The following SPDYE4 variants were observed in gnomAD, a reference collection of about 807,000 sequenced individuals.
SPDYE4 encodes speedy protein E4.
A neutral mutation model predicts 37.5 loss-of-function variants in SPDYE4; 30 were observed. The ratio of observed to expected loss-of-function variants is 0.80; its 90% CI spans 0.60 to 1.09. The LOEUF (loss-of-function observed/expected upper bound fraction) is 1.09, where lower values mean the gene tolerates loss of function less well. SPDYE4 is among the 50% of genes least tolerant of loss of function. SPDYE4 has a pLI of 0.00. For synonymous variants in SPDYE4, 131 were observed against 120.3 expected (o/e 1.09, Z -0.58); for missense variants, 300 against 307.9 (o/e 0.97, Z 0.19).
In SPDYE4 at chr17:8,758,314, G is replaced by T; in HGVS notation, c.69C>A (p.Ser23=). The change falls in exon 1 of 7, where the codon TCC becomes TCA. Residue 23 remains serine, a synonymous_variant. Transcript: ENST00000689094. ...CTTCATCATCCACCACCACCTCGGG[G>T]GACCGTACCGTTGTGCTAGGCTGGG... ...ESPQPSTTVR[S]PEVVVDDEVP... 1.3e-6 allele frequency: 2 copies of T among 1,550,440 alleles called. No individual in the cohort carries two copies. The highest frequency in any genetic ancestry group is 1.7e-6 in the Non-Finnish European group (2 of 1,146,526).
chr17:8,757,212 A>C (rs1388178840), intron 2 of SPDYE4, 50 bp downstream of exon 2: 1 of 1,519,208 alleles, frequency 6.6e-7, no homozygotes, highest in Non-Finnish European at 8.9e-7. Context: ...GAAAGATTCC[A>C]CTTTTTTAAA....
In SPDYE4 at chr17:8,751,428, A is replaced by G. The variant is rs2151144024; in HGVS notation, c.*854T>C. On this transcript the variant is annotated 3_prime_UTR_variant, in exon 7 of 7. Coordinates refer to ENST00000689094, the MANE Select transcript of SPDYE4 (RefSeq NM_001394956.1). ...AGTATATATGGAAGGCATGTTAAAA[A>G]TCACAACTGAATTCTCACAATTCAG... Among the ~76,000 whole-genome samples, 1 of 152,364 alleles carries G rather than the reference A, an allele frequency of 6.6e-6. No homozygotes were observed. Among genetic ancestry groups the G allele is most frequent in the African/African-American group, 2.4e-5 (1 of 41,590 alleles).
At position 8,751,967 on chromosome 17, in the gene SPDYE4, G is replaced by C. The variant is rs1225363886; in HGVS notation, c.*315C>G. On this transcript the variant is annotated 3_prime_UTR_variant, in exon 7 of 7. Coordinates refer to ENST00000689094, the MANE Select transcript of SPDYE4 (RefSeq NM_001394956.1). ...CCAGCTTCCAGCCCAGGGGAGGCTGGGATTCAGCAACGTGAAAAGGGAGGT... is the reference window on the plus strand; with the variant it reads ...CCAGCTTCCAGCCCAGGGGAGGCTGCGATTCAGCAACGTGAAAAGGGAGGT... 2.0e-5 allele frequency among the ~76,000 whole-genome samples: 3 copies of C among 152,162 alleles called. No homozygotes were observed. The highest frequency in any genetic ancestry group is 7.2e-5 in the African/African-American group (3 of 41,430).
At chr17:8,756,120 G>A (rs892791949) in intron 3 of SPDYE4, among the ~76,000 whole-genome samples, 1 of 152,170 alleles carries the variant, frequency 6.6e-6, no homozygotes, top group East Asian at 1.9e-4. Context: ...TGGAGAGGCC[G>A]AGGCGGGAGG....
downstream of SPDYE4, among the ~76,000 whole-genome samples, chr17:8,749,785 A>G (rs1054689778): frequency 6.6e-6 from 1 of 152,186 alleles, no homozygotes; most frequent in Non-Finnish European, 1.5e-5. Flanking sequence ...ACCCCTGGAC[A>G]TTGCACAAAC....
rs752088667 is a variant in SPDYE4 at position 8,753,484 on chromosome 17, A to T, written c.491T>A (p.Leu164Gln). 6 of 1,613,718 alleles carry T rather than the reference A, an allele frequency of 3.7e-6. No individual in the cohort carries two copies. In the Admixed American group the frequency reaches 1.0e-4, roughly 27 times the overall value. ...GTTGTCCTCCTCCATGTCACTGGCC[A>T]GGTAGCTGGGGAGAGAGATCAGGTT... is the stretch of plus-strand genomic sequence containing the variant. ...QRIHFFLALY[L>Q]ASDMEEDNQA... is the part of the protein sequence containing the mutation. Residue 164 changes from leucine (L) to glutamine (Q), a missense_variant, in exon 5 of 7, where the codon CTG becomes CAG. Leu to Gln is a moderately radical substitution (Grantham distance 113). Coordinates refer to ENST00000689094, the MANE Select transcript of SPDYE4 (RefSeq NM_001394956.1).
downstream of SPDYE4, among the ~76,000 whole-genome samples, chr17:8,747,892 G>A (rs2086701275): frequency 6.6e-6 from 1 of 152,200 alleles, no homozygotes; most frequent in African/African-American, 2.4e-5. Context: ...GGTTTAATTG[G>A]ACTTACAGTT....
At chr17:8,749,159 T>C (rs549301398), downstream of SPDYE4, among the ~76,000 whole-genome samples, 1 of 151,766 alleles carries the variant, frequency 6.6e-6, no homozygotes, top group East Asian at 1.9e-4. Context: ...AGTGGTATGA[T>C]CACGGCTCAT....
downstream of SPDYE4, among the ~76,000 whole-genome samples, chr17:8,747,712 C>A (rs1215545567): frequency 1.3e-5 from 2 of 152,168 alleles, no homozygotes; most frequent in African/African-American, 4.8e-5. Context: ...CTTTACAAGT[C>A]TAATTTACAA....
At chr17:8,754,997 T>C (rs2151145343) in intron 4 of SPDYE4, among the ~76,000 whole-genome samples, 1 of 151,962 alleles carries the variant, frequency 6.6e-6, no homozygotes, top group South Asian at 2.1e-4. Context: ...GCTAAGGAGG[T>C]TGTTCAGGTG....
intron 2 of SPDYE4, among the ~76,000 whole-genome samples, chr17:8,756,782 A>C (rs998208158): frequency 1.3e-5 from 2 of 152,226 alleles, no homozygotes; most frequent in African/African-American, 4.8e-5. Flanking sequence ...GGGTGTGCCC[A>C]TGGCCTTGTT....
chr17:8,754,127 T>A (rs2086752919), intron 4 of SPDYE4, among the ~76,000 whole-genome samples: 1 of 152,194 alleles, frequency 6.6e-6, no homozygotes, highest in East Asian at 1.9e-4. Flanking sequence ...CTGGCACATA[T>A]GATGAACTTC....
rs2086773252 is a variant in SPDYE4 at position 8,756,444 on chromosome 17, A to C, written c.341-8T>G. 1 of 1,613,866 alleles carries C rather than the reference A, an allele frequency of 6.2e-7. No homozygotes were observed. On this transcript the variant is annotated splice_polypyrimidine_tract_variant and splice_region_variant and intron_variant, in intron 2 of 6. Transcript: ENST00000689094. The stretch of plus-strand genomic sequence containing the variant: ...TTTGAACGACAGGATCCCCTGTGAA[A>C]AGAGAGCCTGTGTCAGGGTGAGAAG...
chr17:8,756,256 A>G (rs2086771194), intron 3 of SPDYE4, 122 bp downstream of exon 3: 9 of 897,974 alleles, frequency 1.0e-5, no homozygotes, highest in South Asian at 6.6e-5. Flanking sequence ...GCCCAAGAGT[A>G]TGGAATCAGC....
At position 8,751,385 on chromosome 17, in the gene SPDYE4, G is replaced by C. The variant is rs191059097; in HGVS notation, c.*897C>G. 1.8e-4 allele frequency among the ~76,000 whole-genome samples: 28 copies of C among 152,230 alleles called. No individual in the cohort carries two copies. The highest frequency in any genetic ancestry group is 6.5e-4 in the African/African-American group (27 of 41,538). On this transcript the variant is annotated 3_prime_UTR_variant, in exon 7 of 7. Coordinates refer to ENST00000689094, the MANE Select transcript of SPDYE4 (RefSeq NM_001394956.1). The stretch of plus-strand genomic sequence containing the variant: ...TCAAAATAAACAAATAAAATGTATA[G>C]TATATATTGGACATGTTAGTATATA...
Position 8,751,682 on chromosome 17 carries a change from A to G in SPDYE4, c.*600T>C, listed in dbSNP as rs1472816009. ...AAATTATATTTATGTGTATATAACAACCGTCAGAGAACTCTATAGGAACAG... is the reference window on the plus strand; with the variant it reads ...AAATTATATTTATGTGTATATAACAGCCGTCAGAGAACTCTATAGGAACAG... On this transcript the variant is annotated 3_prime_UTR_variant, in exon 7 of 7. Transcript: ENST00000689094. Among the ~76,000 whole-genome samples, 1 of 152,234 alleles carries G rather than the reference A, an allele frequency of 6.6e-6. No homozygotes were observed. The highest frequency in any genetic ancestry group is 2.4e-5 in the African/African-American group (1 of 41,460).
rs762397158 is a variant in SPDYE4 at position 8,753,441 on chromosome 17, G to A, written c.534C>T (p.Asp178=). 12 of 1,612,312 alleles carry A rather than the reference G, an allele frequency of 7.4e-6. No individual in the cohort carries two copies. In the African/African-American group the frequency reaches 1.1e-4, roughly 14 times the overall value. ...TCTTCCCGTAGAGGAAGGAGAAGAT[G>A]TCTTGTTTCGGGGCCTGGTTGTCCT... ...MEEDNQAPKQ[D]IFSFLYGKNY... is the part of the protein sequence containing the mutation. Residue 178 remains aspartate, a synonymous_variant, in exon 5 of 7, where the codon GAC becomes GAT. Coordinates refer to ENST00000689094, the MANE Select transcript of SPDYE4 (RefSeq NM_001394956.1).
chr17:8,755,736 A>G lies in SPDYE4; in HGVS notation c.400-131T>C, dbSNP rs1372410666. The G allele has an allele frequency of 2.7e-5, 32 of 1,198,906 alleles. No homozygotes were observed. In the East Asian group the frequency reaches 6.6e-4, roughly 25 times the overall value. The allele number at this position is 1,198,906 out of a possible 1,614,324, so 74.3% of individuals were successfully genotyped here. ...GAAGGAACCTCAGTGTTGGGTGACTATGCTCATTGGGGGCTTGCGGGTGGA... is the reference window on the plus strand; with the variant it reads ...GAAGGAACCTCAGTGTTGGGTGACTGTGCTCATTGGGGGCTTGCGGGTGGA... On this transcript the variant is annotated intron_variant, in intron 3 of 6. Coordinates refer to ENST00000689094, the MANE Select transcript of SPDYE4 (RefSeq NM_001394956.1).
At chr17:8,754,310 T>C (rs1004377982) in intron 4 of SPDYE4, among the ~76,000 whole-genome samples, 2 of 152,166 alleles carry the variant, frequency 1.3e-5, no homozygotes, top group Admixed American at 6.5e-5. Context: ...TTTTGGCTGA[T>C]TGGGTGGCTC....
Sources: gnomAD v4.1 joint callset for allele counts (sites outside exome capture counted in the v4.1 genomes callset) on GRCh38, gnomAD v4.1.1 for gene constraint, MANE v1.5 for transcripts, NCBI Gene and HGNC (gene_info 2026-07-23, HGNC 2026-07-21) for gene names.